The following PIK3C2G variants were observed in gnomAD, a reference collection of about 807,000 sequenced individuals.
PIK3C2G encodes the protein phosphatidylinositol-4-phosphate 3-kinase catalytic subunit type 2 gamma, also known as phosphatidylinositol 3-kinase C2 domain-containing subunit gamma.
Under a neutral mutation model 181.1 loss-of-function variants are expected in PIK3C2G, and 168 were observed. The ratio of observed to expected loss-of-function variants is 0.93; its 90% CI spans 0.82 to 1.05. The LOEUF (loss-of-function observed/expected upper bound fraction) is 1.05. Ranked by LOEUF, PIK3C2G falls within the 50% of genes least tolerant of loss-of-function variation. The pLI is 0.00. For synonymous variants in PIK3C2G, 573 were observed against 592.2 expected (o/e 0.97, Z 0.47); for missense variants, 1,869 against 1,732.8 (o/e 1.08, Z -1.40).
chr12:18,263,197 G>A lies in PIK3C2G; in HGVS notation c.-79+1620G>A, dbSNP rs181818934. 1.4e-3 allele frequency among the ~76,000 whole-genome samples: 210 copies of A among 151,832 alleles called. 2 individuals carry two copies. Among genetic ancestry groups the A allele is most frequent in the Non-Finnish European group, 2.7e-3 (182 of 67,904 alleles). On this transcript the variant is annotated intron_variant, in intron 1 of 32. Transcript: ENST00000538779. ...CTCAAAGTTTTTCTAATTTTATTGT[G>A]GTTTTTCACTGTGCAAGTTATTTAA...
intron 13 of PIK3C2G, among the ~76,000 whole-genome samples, chr12:18,377,190 C>A (rs916330463): frequency 5.3e-5 from 8 of 152,096 alleles, no homozygotes; most frequent in Non-Finnish European, 1.2e-4. Context: ...AATATTATGG[C>A]TAAAATTGAT....
chr12:18,576,503 G>A lies in PIK3C2G; in HGVS notation c.4011+9446G>A, dbSNP rs187649397. Among the ~76,000 whole-genome samples the A allele has an allele frequency of 2.6e-5, 4 of 152,320 alleles. No homozygotes were observed. In the East Asian group the frequency reaches 5.8e-4, roughly 22 times the overall value. ...GCTCACTCACTATGAAGATAGAATAGTGTAATAGGGAAACAGAGTATAATA... is the reference window on the plus strand; with the variant it reads ...GCTCACTCACTATGAAGATAGAATAATGTAATAGGGAAACAGAGTATAATA... On this transcript the variant is annotated intron_variant, in intron 29 of 32. Coordinates refer to ENST00000538779, the MANE Select transcript of PIK3C2G (RefSeq NM_001288772.2).
chr12:18,606,610 T>C (rs893677183), intron 30 of PIK3C2G, among the ~76,000 whole-genome samples: 2 of 152,082 alleles, frequency 1.3e-5, no homozygotes, highest in Non-Finnish European at 2.9e-5. Flanking sequence ...AATGTATAAA[T>C]TATTCAAATA....
intron 24 of PIK3C2G, among the ~76,000 whole-genome samples, chr12:18,515,372 A>C (rs1450461656): frequency 1.3e-5 from 2 of 151,614 alleles, no homozygotes; most frequent in Non-Finnish European, 2.9e-5. Flanking sequence ...TTGATGAAAG[A>C]GTCTTTATTA....
At chr12:18,624,239 A>G (rs967179378) in intron 31 of PIK3C2G, among the ~76,000 whole-genome samples, 2 of 151,722 alleles carry the variant, frequency 1.3e-5, no homozygotes, top group Non-Finnish European at 3.0e-5. Context: ...TTTTTATCAT[A>G]AAAGAATGTT....
intron 18 of PIK3C2G, among the ~76,000 whole-genome samples, chr12:18,460,741 G>C (rs571712222): frequency 6.6e-6 from 1 of 150,806 alleles, no homozygotes; most frequent in Admixed American, 6.6e-5. Context: ...ACGCAGATTA[G>C]CATACATATC....
chr12:18,588,286 A>G (rs1490070785), intron 29 of PIK3C2G, among the ~76,000 whole-genome samples: 1 of 152,194 alleles, frequency 6.6e-6, no homozygotes, highest in Non-Finnish European at 1.5e-5. Flanking sequence ...CTGCACAGCA[A>G]AAGAAATAAT....
chr12:18,555,267 A>G (rs543329871), intron 26 of PIK3C2G, among the ~76,000 whole-genome samples: 2 of 152,294 alleles, frequency 1.3e-5, no homozygotes, highest in African/African-American at 4.8e-5. Flanking sequence ...CATCGTAGTC[A>G]TCTCTCCTCA....
At chr12:18,494,983 A>G (rs1940884093) in intron 20 of PIK3C2G, among the ~76,000 whole-genome samples, 1 of 151,742 alleles carries the variant, frequency 6.6e-6, no homozygotes. Context: ...GAAAATATCT[A>G]TTTTCCATCT....
the PIK3C2G span, among the ~76,000 whole-genome samples, chr12:18,723,915 G>T: frequency 6.6e-6 from 1 of 152,094 alleles, no homozygotes; most frequent in African/African-American, 2.4e-5. Flanking sequence ...ATATGTCAGA[G>T]TGAGTCAGAC....
intron 18 of PIK3C2G, among the ~76,000 whole-genome samples, chr12:18,463,021 TA>T (rs1948005357): frequency 6.6e-6 from 1 of 152,172 alleles, no homozygotes; most frequent in Non-Finnish European, 1.5e-5. Context: ...TGGATACACT[TA>T]AAAATAGAGT....
chr12:18,343,408 G>A (rs1939326629), intron 10 of PIK3C2G, 48 bp downstream of exon 10: 5 of 997,706 alleles, frequency 5.0e-6, no homozygotes, highest in Non-Finnish European at 7.4e-6. Flanking sequence ...AAAAAAATAA[G>A]TTACAGAATC....
intron 30 of PIK3C2G, among the ~76,000 whole-genome samples, chr12:18,608,107 G>C (rs1948142560): frequency 6.6e-6 from 1 of 152,140 alleles, no homozygotes; most frequent in Admixed American, 6.5e-5. Flanking sequence ...TACACTGTTG[G>C]TGGGCTATAA....
intron 8 of PIK3C2G, among the ~76,000 whole-genome samples, chr12:18,334,699 G>A (rs1193417191): frequency 6.6e-6 from 1 of 151,986 alleles, no homozygotes; most frequent in Non-Finnish European, 1.5e-5. Context: ...CTATGAAAAT[G>A]TTGCCCAAGT....
intron 14 of PIK3C2G, among the ~76,000 whole-genome samples, chr12:18,384,508 A>G (rs1943046282): frequency 1.3e-5 from 2 of 152,196 alleles, no homozygotes; most frequent in African/African-American, 4.8e-5. Context: ...GCTTAATGAA[A>G]ATTTTCAAGT....
At position 18,648,219 on chromosome 12, in the gene PIK3C2G, C is replaced by A. The variant is rs189192301; in HGVS notation, c.*191C>A. ...TGTGCTTTCATTGTTTTTTCATAAT[C>A]TTTTCTCCTTCAGTGGAGTACTGAT... On this transcript the variant is annotated 3_prime_UTR_variant, in exon 33 of 33. Coordinates refer to ENST00000538779, the MANE Select transcript of PIK3C2G (RefSeq NM_001288772.2). The A allele has an allele frequency of 2.0e-4, 68 of 340,148 alleles. No individual in the cohort carries two copies. Among genetic ancestry groups the A allele is most frequent in the African/African-American group, 1.3e-3 (63 of 47,660 alleles). The allele number at this position is 340,148 out of a possible 1,614,324, so 21.1% of individuals were successfully genotyped here.
chr12:18,639,520 C>T (rs1949754957), intron 31 of PIK3C2G, among the ~76,000 whole-genome samples: 1 of 152,160 alleles, frequency 6.6e-6, no homozygotes. Flanking sequence ...TTTTATAAAA[C>T]TAGACTTTCA....
At chr12:18,296,989 C>A in intron 5 of PIK3C2G, among the ~76,000 whole-genome samples, 1 of 152,020 alleles carries the variant, frequency 6.6e-6, no homozygotes, top group East Asian at 1.9e-4. Context: ...TACCATGGAG[C>A]AAGGAGTCCT....
chr12:18,378,082 G>T (rs1357085318), intron 13 of PIK3C2G, among the ~76,000 whole-genome samples: 1 of 152,032 alleles, frequency 6.6e-6, no homozygotes, highest in East Asian at 1.9e-4. Context: ...TGTGCCTCAG[G>T]GTTAAAGCCA....
Sources: gnomAD v4.1 joint callset for allele counts (sites outside exome capture counted in the v4.1 genomes callset) on GRCh38, gnomAD v4.1.1 for gene constraint, MANE v1.5 for transcripts, NCBI Gene and HGNC (gene_info 2026-07-23, HGNC 2026-07-21) for gene names.